DOCK4: variants seen among roughly 807,000 people sequenced by gnomAD.
DOCK4 encodes the protein dedicator of cytokinesis 4.
Under a neutral mutation model 268.1 loss-of-function variants are expected in DOCK4, and 97 were observed. The observed-to-expected ratio is 0.36, with a 90% confidence interval of 0.31 to 0.43. The LOEUF is 0.43. DOCK4 is among the 20% of genes least tolerant of loss of function. The pLI is 1.00. For missense variants in DOCK4, 2,145 were observed against 2,455.7 expected (o/e 0.87, Z 2.67); for synonymous variants, 954 against 887.2 (o/e 1.08, Z -1.34).
intron 1 of DOCK4, among the ~76,000 whole-genome samples, chr7:112,055,909 T>TAA (rs1230725517): frequency 1.6e-5 from 2 of 123,646 alleles, no homozygotes; most frequent in Non-Finnish European, 3.5e-5. Context: ...AGATTCTGTC[T>TAA]AAAAAAAAAA....
rs201460298 is a variant in DOCK4, at chr7:111,735,081, G to C, written c.5392C>G (p.Pro1798Ala). The change falls in exon 51 of 53, where the codon CCT becomes GCT. Residue 1798 changes from proline (P) to alanine (A), a missense_variant. Pro to Ala is a conservative substitution (Grantham distance 27). Coordinates refer to ENST00000428084, the MANE Select transcript of DOCK4 (RefSeq NM_001363540.2). ...MSDSGKLISP[P>A]VPPRPTQTAS... ...GTCTGTGTGGGTCTTGGAGGGACAG[G>C]GGGAGAGATAAGTTTCCCACTATCC... 749 of 1,598,276 alleles carry C rather than the reference G, an allele frequency of 4.7e-4. 1 individual carries two copies. Among genetic ancestry groups the C allele is most frequent in the Non-Finnish European group, 5.4e-4 (634 of 1,172,068 alleles).
At chr7:112,106,610 T>G (rs1811165545) in intron 1 of DOCK4, among the ~76,000 whole-genome samples, 1 of 152,234 alleles carries the variant, frequency 6.6e-6, no homozygotes. Context: ...GTTCACTTCA[T>G]AAGTATTCCC....
chr7:111,862,019 G>A (rs951978543), intron 23 of DOCK4, among the ~76,000 whole-genome samples: 1 of 152,070 alleles, frequency 6.6e-6, no homozygotes, highest in African/African-American at 2.4e-5. Context: ...TCTAAAGCAA[G>A]GCCGGGTGCG....
chr7:111,798,873 T>C (rs918547773), intron 30 of DOCK4, among the ~76,000 whole-genome samples: 2 of 152,246 alleles, frequency 1.3e-5, no homozygotes, highest in African/African-American at 4.8e-5. Flanking sequence ...AGGAAAGATA[T>C]TCTCTTACCA....
At chr7:112,031,089 G>A (rs539883536) in intron 1 of DOCK4, among the ~76,000 whole-genome samples, 3 of 152,310 alleles carry the variant, frequency 2.0e-5, no homozygotes, top group Non-Finnish European at 4.4e-5. Context: ...AAATAGAGGA[G>A]CATCATACTA....
chr7:111,905,605 C>T (rs7792645), intron 13 of DOCK4, among the ~76,000 whole-genome samples: 31,217 of 151,928 alleles, frequency 0.21, 3,559 homozygotes, highest in African/African-American at 0.29. Flanking sequence ...ATAAAGGATA[C>T]AGCGCATGAT....
At chr7:112,058,980 T>C (rs1806109568) in intron 1 of DOCK4, among the ~76,000 whole-genome samples, 1 of 152,162 alleles carries the variant, frequency 6.6e-6, no homozygotes. Flanking sequence ...AGGACATCTG[T>C]GGCTTCCTAG....
intron 26 of DOCK4, among the ~76,000 whole-genome samples, chr7:111,827,870 T>C (rs1802522686): frequency 6.6e-6 from 1 of 152,182 alleles, no homozygotes; most frequent in Admixed American, 6.5e-5. Context: ...TAAAGCTGGA[T>C]TGGGGCTTGA....
intron 23 of DOCK4, 59 bp from the exon 24 acceptor site, chr7:111,847,185 C>T: frequency 1.3e-6 from 2 of 1,586,440 alleles, no homozygotes; most frequent in Admixed American, 1.8e-5. Context: ...ATACCTAGGG[C>T]AAATCCTTAT....
chr7:111,765,139 T>G lies in DOCK4; in HGVS notation c.3999A>C (p.Lys1333Asn). ...TTACTCTTAAGAAAAATGGAAATTTTTTTCCATAAAATCCAACTCTGAAGA... is the reference window on the plus strand; with the variant it reads ...TTACTCTTAAGAAAAATGGAAATTTGTTTCCATAAAATCCAACTCTGAAGA... ...PEFFRVGFYGKKFPFFLRNKE... is the reference protein window; with the variant it reads ...PEFFRVGFYGNKFPFFLRNKE... The change falls in exon 39 of 53, where the codon AAA becomes AAC. Residue 1333 changes from lysine to asparagine, a missense_variant. Transcript: ENST00000428084. The G allele has an allele frequency of 6.5e-7, 1 of 1,532,352 alleles. No homozygotes were observed. The highest frequency in any genetic ancestry group is 8.8e-7 in the Non-Finnish European group (1 of 1,142,222). 94.9% of individuals were successfully genotyped at this position (1,532,352 alleles called of 1,614,324 possible). A position where few individuals can be genotyped will look rare whatever the true frequency, so the allele number is the denominator to read the frequency against.
At chr7:111,834,249 A>G (rs1259233383) in intron 26 of DOCK4, among the ~76,000 whole-genome samples, 2 of 152,180 alleles carry the variant, frequency 1.3e-5, no homozygotes, top group Non-Finnish European at 2.9e-5. Context: ...ATTCTCTTTT[A>G]TCTTCTATTA....
At chr7:111,746,267 G>T in intron 44 of DOCK4, 67 bp downstream of exon 44, 1 of 1,305,512 alleles carries the variant, frequency 7.7e-7, no homozygotes, top group South Asian at 1.3e-5. Context: ...ACCATGCAGA[G>T]GGGGCTCTAG....
At position 111,928,736 on chromosome 7, in the gene DOCK4, G is replaced by A. The variant is rs540478102; in HGVS notation, c.1066+6804C>T. On this transcript the variant is annotated intron_variant, in intron 12 of 52. Transcript: ENST00000428084. The stretch of plus-strand genomic sequence containing the variant: ...CTGAGTAGCTGGAATTAACAGGCAC[G>A]TGCCACCACACCCAGCTAATTTTTG... Among the ~76,000 whole-genome samples the A allele has an allele frequency of 2.6e-5, 4 of 151,778 alleles. No homozygotes were observed. In the South Asian group the frequency reaches 6.2e-4, roughly 24 times the overall value.
intron 47 of DOCK4, chr7:111,739,997 TC>T: frequency 3.3e-6 from 1 of 302,092 alleles, no homozygotes; most frequent in Non-Finnish European, 6.7e-6. Flanking sequence ...GGCTCTAAAA[TC>T]CCTAAAAACT....
intron 8 of DOCK4, among the ~76,000 whole-genome samples, chr7:111,961,870 A>C (rs1327935317): frequency 6.6e-6 from 1 of 152,210 alleles, no homozygotes; most frequent in African/African-American, 2.4e-5. Flanking sequence ...AATGTTCTTT[A>C]AAGACATTGG....
intron 1 of DOCK4, among the ~76,000 whole-genome samples, chr7:112,182,023 T>C (rs1475416083): frequency 6.6e-6 from 1 of 152,198 alleles, no homozygotes; most frequent in Non-Finnish European, 1.5e-5. Context: ...TGCTGTCAAG[T>C]ATAACATTTA....
intron 40 of DOCK4, among the ~76,000 whole-genome samples, chr7:111,759,646 A>C (rs1182284188): frequency 6.6e-6 from 1 of 152,068 alleles, no homozygotes; most frequent in East Asian, 1.9e-4. Context: ...ATTTCAGCTC[A>C]GTTGTTTGTG....
At chr7:111,941,476 G>C (rs181174470) in intron 10 of DOCK4, among the ~76,000 whole-genome samples, 339 of 152,070 alleles carry the variant, frequency 2.2e-3, no homozygotes, top group Non-Finnish European at 3.8e-3. Flanking sequence ...TAATATTACA[G>C]AATGTATTAG....
intron 1 of DOCK4, among the ~76,000 whole-genome samples, chr7:112,016,387 T>G (rs569203798): frequency 6.6e-6 from 1 of 152,228 alleles, no homozygotes; most frequent in African/African-American, 2.4e-5. Flanking sequence ...AGGAGGTACA[T>G]GATGGTGATA....
Sources: gnomAD v4.1 joint callset for allele counts (sites outside exome capture counted in the v4.1 genomes callset) on GRCh38, gnomAD v4.1.1 for gene constraint, MANE v1.5 for transcripts, NCBI Gene and HGNC (gene_info 2026-07-23, HGNC 2026-07-21) for gene names.